NR2C2: variants seen among roughly 807,000 people sequenced by gnomAD.
The protein encoded by NR2C2 is Nuclear hormone receptor TR4.
A neutral mutation model predicts 62.9 loss-of-function variants in NR2C2; 6 were observed. That is an observed-to-expected ratio of 0.10 (90% CI 0.05 to 0.19). The LOEUF (loss-of-function observed/expected upper bound fraction) is 0.19, where lower values mean the gene tolerates loss of function less well. Ranked by LOEUF, NR2C2 falls within the 10% of genes least tolerant of loss-of-function variation. The probability of loss-of-function intolerance (pLI) is 1.00; values close to 1 mark genes in which losing one functional copy is unlikely to be tolerated. For synonymous variants in NR2C2, 272 were observed against 273.8 expected, an observed-to-expected ratio of 0.99 and a Z score of 0.07; for missense variants, 479 against 762.7, an observed-to-expected ratio of 0.63 and a Z score of 4.38.
rs1186473783 is a variant in NR2C2 at position 15,043,071 on chromosome 3, A to T, written c.*63A>T. 1.4e-6 allele frequency: 2 copies of T among 1,477,120 alleles called. No homozygotes were observed. The highest frequency in any genetic ancestry group is 1.8e-6 in the Non-Finnish European group (2 of 1,096,320). The allele number at this position is 1,477,120 out of a possible 1,614,324, so 91.5% of individuals were successfully genotyped here. The stretch of plus-strand genomic sequence containing the variant: ...TCCAGGACCGTTCACATACAAAGAA[A>T]AGTAGTGGTATTTTGGTATGTGCAA... On this transcript the variant is annotated 3_prime_UTR_variant, in exon 14 of 14. Coordinates refer to ENST00000425241, the MANE Select transcript of NR2C2 (RefSeq NM_001291694.2).
At chr3:15,023,444 T>G (rs1358113062) in intron 6 of NR2C2, 97 bp downstream of exon 6, 2 of 1,360,816 alleles carry the variant, frequency 1.5e-6, no homozygotes, top group Non-Finnish European at 2.1e-6. Context: ...CCCACCCATC[T>G]GCCATAGCCT....
chr3:15,009,835 G>A (rs1297610827), intron 2 of NR2C2, among the ~76,000 whole-genome samples: 1 of 152,286 alleles, frequency 6.6e-6, no homozygotes, highest in African/African-American at 2.4e-5. Flanking sequence ...TTCTAGGAGA[G>A]TGTCCTTCCT....
chr3:15,002,607 A>T (rs2041041816), intron 1 of NR2C2, among the ~76,000 whole-genome samples: 2 of 112,986 alleles, frequency 1.8e-5, no homozygotes, highest in Admixed American at 1.7e-4. Context: ...TTTTCTTCTA[A>T]TTTTAGGAAG....
At chr3:14,981,602 CAA>C (rs927608192) in intron 1 of NR2C2, among the ~76,000 whole-genome samples, 4 of 37,678 alleles carry the variant, frequency 1.1e-4, no homozygotes, top group African/African-American at 1.3e-4. Context: ...GGCTCTGTCT[CAA>C]AAAAAAAAAA....
intron 1 of NR2C2, among the ~76,000 whole-genome samples, chr3:14,993,317 G>A (rs1474512559): frequency 6.6e-6 from 1 of 152,040 alleles, no homozygotes; most frequent in Non-Finnish European, 1.5e-5. Flanking sequence ...AGCCGGGCAT[G>A]GTGGTGGGTG....
intron 1 of NR2C2, among the ~76,000 whole-genome samples, chr3:14,990,139 C>T (rs749788086): frequency 6.6e-5 from 10 of 152,084 alleles, no homozygotes; most frequent in African/African-American, 1.2e-4. Context: ...ATTACTGCAC[C>T]GTTAGGTTGA....
At chr3:15,002,220 A>T (rs1297105216) in intron 1 of NR2C2, among the ~76,000 whole-genome samples, 2 of 152,334 alleles carry the variant, frequency 1.3e-5, no homozygotes, top group South Asian at 4.1e-4. Flanking sequence ...AGTATTTTAT[A>T]GAGACCCTTT....
chr3:14,988,968 T>G (rs1244693436), intron 1 of NR2C2, among the ~76,000 whole-genome samples: 1 of 152,222 alleles, frequency 6.6e-6, no homozygotes, highest in Admixed American at 6.5e-5. Context: ...CCACCCTATG[T>G]AAAAGTAAAT....
chr3:14,986,538 T>C (rs2040518482), intron 1 of NR2C2, among the ~76,000 whole-genome samples: 1 of 152,180 alleles, frequency 6.6e-6, no homozygotes, highest in Non-Finnish European at 1.5e-5. Context: ...TATGTGGAAG[T>C]GTTGTGCCAA....
At chr3:15,016,690 C>T (rs985013520) in intron 4 of NR2C2, among the ~76,000 whole-genome samples, 2 of 152,096 alleles carry the variant, frequency 1.3e-5, no homozygotes, top group African/African-American at 4.8e-5. Context: ...CATGTGATTC[C>T]AGCTAGTGTC....
In NR2C2 at chr3:15,044,689, A is replaced by C. The variant is rs567845570; in HGVS notation, c.*1681A>C. Reference sequence around the variant, plus strand: ...AAAAAGATCCCTGGACACTCCCCTGACTCACAGGTGCTCTGATCTGGCTCA... The same window carrying C: ...AAAAAGATCCCTGGACACTCCCCTGCCTCACAGGTGCTCTGATCTGGCTCA... On this transcript the variant is annotated 3_prime_UTR_variant, in exon 14 of 14. Transcript: ENST00000425241. The C allele has an allele frequency of 6.6e-6, 1 of 152,366 alleles. No homozygotes were observed. Among genetic ancestry groups the C allele is most frequent in the Non-Finnish European group, 1.5e-5 (1 of 68,048 alleles). 9.4% of individuals were successfully genotyped at this position (152,366 alleles called of 1,614,324 possible). A position where few individuals can be genotyped will look rare whatever the true frequency, so the allele number is the denominator to read the frequency against.
chr3:15,034,830 G>A (rs1354585283), intron 11 of NR2C2, 21 bp downstream of exon 11: 2 of 1,597,874 alleles, frequency 1.3e-6, no homozygotes, highest in East Asian at 4.5e-5. Flanking sequence ...GGGACTTGGG[G>A]CTGGGGTGTG....
chr3:15,009,080 G>T (rs2124962523), intron 2 of NR2C2, among the ~76,000 whole-genome samples: 1 of 152,154 alleles, frequency 6.6e-6, no homozygotes, highest in East Asian at 1.9e-4. Context: ...AAATTAGCGG[G>T]GCATGGTGAC....
At chr3:15,038,813 TTATGTGATAGTTTTTA>T in intron 12 of NR2C2, 1 of 248,610 alleles carries the variant, frequency 4.0e-6, no homozygotes, top group Non-Finnish European at 7.7e-6. Flanking sequence ...ATTTGTAATT[TTATGTGATAGTTTTTA>T]AAACTATGTG....
At chr3:15,038,551 A>AG (rs1181059540) in intron 12 of NR2C2, 1 of 167,670 alleles carries the variant, frequency 6.0e-6, no homozygotes, top group Non-Finnish European at 1.3e-5. Flanking sequence ...ATAGCACTGC[A>AG]GAGCATGCTA....
intron 1 of NR2C2, among the ~76,000 whole-genome samples, chr3:14,985,013 T>A (rs116567226): frequency 5.9e-4 from 90 of 152,304 alleles, no homozygotes; most frequent in Non-Finnish European, 1.0e-3. Context: ...TAATTTTAAT[T>A]TGCATTTCTC....
At chr3:14,991,974 C>T (rs374712194) in intron 1 of NR2C2, among the ~76,000 whole-genome samples, 1 of 151,800 alleles carries the variant, frequency 6.6e-6, no homozygotes, top group Admixed American at 6.6e-5. Context: ...TCTTGCAATG[C>T]TGTCCAGGCT....
intron 2 of NR2C2, among the ~76,000 whole-genome samples, chr3:15,013,133 G>A (rs2041402295): frequency 6.6e-6 from 1 of 152,158 alleles, no homozygotes; most frequent in African/African-American, 2.4e-5. Context: ...GGGTCTCCCT[G>A]TATTCTCTCA....
intron 1 of NR2C2, among the ~76,000 whole-genome samples, chr3:14,984,032 G>T (rs2040448195): frequency 6.6e-6 from 1 of 152,120 alleles, no homozygotes; most frequent in South Asian, 2.1e-4. Context: ...GGGATTACAG[G>T]CATGAGCCAC....
Sources: gnomAD v4.1 joint callset for allele counts (sites outside exome capture counted in the v4.1 genomes callset) on GRCh38, gnomAD v4.1.1 for gene constraint, MANE v1.5 for transcripts, NCBI Gene and HGNC (gene_info 2026-07-23, HGNC 2026-07-21) for gene names.